The following CTNNA2 variants were observed in gnomAD, a reference collection of about 807,000 sequenced individuals.
CTNNA2 encodes catenin alpha-2.
CTNNA2 carries 42 observed loss-of-function variants against 101.0 expected under a neutral mutation model. That is an observed-to-expected ratio of 0.42 (90% CI 0.32 to 0.54). The LOEUF (loss-of-function observed/expected upper bound fraction) is 0.54, where lower values mean the gene tolerates loss of function less well. Among genes scored for constraint, CTNNA2 ranks in the 20% least tolerant of loss-of-function variants. The pLI is 0.14. For missense variants in CTNNA2, 871 were observed against 1,223.1 expected (o/e 0.71, Z 4.29); for synonymous variants, 450 against 456.4 (o/e 0.99, Z 0.18).
intron 7 of CTNNA2, among the ~76,000 whole-genome samples, chr2:80,063,235 CCTTTCTCTCTCT>C (rs986084607): frequency 1.3e-5 from 2 of 152,136 alleles, no homozygotes; most frequent in African/African-American, 2.4e-5. Flanking sequence ...TTTTCTTCCT[CCTTTCTCTCTCT>C]CTTTCTCTCA....
At chr2:80,640,087 G>A (rs778530929) in intron 18 of CTNNA2, among the ~76,000 whole-genome samples, 23 of 151,608 alleles carry the variant, frequency 1.5e-4, no homozygotes, top group African/African-American at 2.4e-4. Context: ...GGGTGACAGC[G>A]AGATAACATC....
chr2:79,427,653 C>A (rs1452748143), intron 4 of CTNNA2, among the ~76,000 whole-genome samples: 2 of 151,742 alleles, frequency 1.3e-5, no homozygotes, highest in Non-Finnish European at 2.9e-5. Flanking sequence ...ACTCAATCCT[C>A]CATCTGACTT....
At chr2:80,033,024 GC>G (rs1558745321) in intron 7 of CTNNA2, among the ~76,000 whole-genome samples, 1 of 151,262 alleles carries the variant, frequency 6.6e-6, no homozygotes, top group Non-Finnish European at 1.5e-5. Context: ...GGTGGTGGGC[GC>G]CTGTAGTCCC....
At chr2:79,284,502 C>T (rs1307892645) in intron 2 of CTNNA2, among the ~76,000 whole-genome samples, 13 of 151,660 alleles carry the variant, frequency 8.6e-5, no homozygotes, top group African/African-American at 3.2e-4. Context: ...GCTTTTTCTG[C>T]ATCTATTGAG....
chr2:79,943,787 C>T (rs928399426), intron 7 of CTNNA2, among the ~76,000 whole-genome samples: 4 of 152,162 alleles, frequency 2.6e-5, no homozygotes, highest in African/African-American at 9.7e-5. Flanking sequence ...CAAATGATAG[C>T]CTTTGCCACA....
intron 7 of CTNNA2, among the ~76,000 whole-genome samples, chr2:80,005,301 A>C (rs1023886165): frequency 1.3e-5 from 2 of 152,160 alleles, no homozygotes; most frequent in Admixed American, 1.3e-4. Flanking sequence ...GGATTCACAT[A>C]TTTAAAATTC....
intron 3 of CTNNA2, among the ~76,000 whole-genome samples, chr2:79,320,247 C>T (rs901534498): frequency 1.3e-5 from 2 of 150,260 alleles, no homozygotes; most frequent in Admixed American, 1.3e-4. Flanking sequence ...ATAGTACCTA[C>T]CTTTACGTTT....
At chr2:80,616,401 C>A (rs1217285977) in intron 17 of CTNNA2, 1 of 151,702 alleles carries the variant, frequency 6.6e-6, no homozygotes, top group African/African-American at 2.4e-5. Context: ...GATCAACTTA[C>A]ATGAAAAAAA....
intron 7 of CTNNA2, among the ~76,000 whole-genome samples, chr2:80,223,399 C>T (rs1191330088): frequency 2.6e-5 from 4 of 152,148 alleles, no homozygotes; most frequent in Non-Finnish European, 5.9e-5. Context: ...CTCAGCCTCC[C>T]GAGTGGCTGG....
chr2:80,115,624 A>G (rs1217486387), intron 7 of CTNNA2, among the ~76,000 whole-genome samples: 2 of 152,210 alleles, frequency 1.3e-5, no homozygotes, highest in Non-Finnish European at 2.9e-5. Flanking sequence ...TTGCTCATGA[A>G]TAACGTGGTG....
intron 2 of CTNNA2, among the ~76,000 whole-genome samples, chr2:79,693,073 A>G (rs1035389842): frequency 2.0e-5 from 3 of 152,028 alleles, no homozygotes; most frequent in African/African-American, 7.2e-5. Context: ...GCTACTTATT[A>G]GACATGCCAT....
At chr2:79,394,243 T>C (rs551109427) in intron 4 of CTNNA2, among the ~76,000 whole-genome samples, 6 of 152,320 alleles carry the variant, frequency 3.9e-5, no homozygotes, top group African/African-American at 1.4e-4. Flanking sequence ...TCACTGAGTT[T>C]CTTCTGTGCT....
intron 2 of CTNNA2, among the ~76,000 whole-genome samples, chr2:79,736,187 T>G (rs17017735): frequency 6.6e-6 from 1 of 152,294 alleles, no homozygotes; most frequent in African/African-American, 2.4e-5. Context: ...TTCTCTCTGA[T>G]GTGTACAACA....
At chr2:80,636,636 A>T (rs2149843017) in intron 18 of CTNNA2, among the ~76,000 whole-genome samples, 1 of 152,256 alleles carries the variant, frequency 6.6e-6, no homozygotes, top group South Asian at 2.1e-4. Flanking sequence ...TCTTAACCAA[A>T]ATGAATAGCT....
chr2:80,537,055 C>T (rs532658772), intron 9 of CTNNA2, among the ~76,000 whole-genome samples: 20 of 152,232 alleles, frequency 1.3e-4, no homozygotes, highest in African/African-American at 4.8e-4. Context: ...GGTATTTGTC[C>T]TAATGCTTTC....
At chr2:80,069,270 T>A (rs191656258) in intron 7 of CTNNA2, among the ~76,000 whole-genome samples, 2 of 152,286 alleles carry the variant, frequency 1.3e-5, no homozygotes, top group East Asian at 3.9e-4. Context: ...TTACTCAGAC[T>A]ACCGATTCAA....
intron 1 of CTNNA2, among the ~76,000 whole-genome samples, chr2:79,590,449 A>G (rs2685153): frequency 0.81 from 123,610 of 152,166 alleles, 50,384 homozygotes; most frequent in Middle Eastern, 0.86. Context: ...CTTTCTAAGT[A>G]ATGGGGAGAT....
intron 7 of CTNNA2, among the ~76,000 whole-genome samples, chr2:80,251,598 C>T (rs1671766628): frequency 6.6e-6 from 1 of 152,184 alleles, no homozygotes; most frequent in African/African-American, 2.4e-5. Flanking sequence ...TAACTTTCTA[C>T]AGGTGATATA....
intron 7 of CTNNA2, among the ~76,000 whole-genome samples, chr2:80,116,133 C>G (rs1395432380): frequency 1.3e-5 from 2 of 151,676 alleles, no homozygotes; most frequent in African/African-American, 4.8e-5. Flanking sequence ...TGTTGCAATT[C>G]CTCAGCAATA....
Sources: allele counts gnomAD v4.1 joint callset (sites outside exome capture counted in the v4.1 genomes callset), GRCh38; gene constraint gnomAD v4.1.1; transcripts MANE v1.5; gene names NCBI Gene and HGNC (gene_info 2026-07-23, HGNC 2026-07-21).